PIGK: variants seen among roughly 807,000 people sequenced by gnomAD.
PIGK encodes phosphatidylinositol glycan anchor biosynthesis class K.
Under a neutral mutation model 50.6 loss-of-function variants are expected in PIGK, and 42 were observed. That is an observed-to-expected ratio of 0.83 (90% CI 0.65 to 1.07). The LOEUF (loss-of-function observed/expected upper bound fraction) is 1.07, where lower values mean the gene tolerates loss of function less well. Among genes scored for constraint, PIGK ranks in the 50% least tolerant of loss-of-function variants. The pLI is 0.00. For missense variants in PIGK, 448 were observed against 488.7 expected, an observed-to-expected ratio of 0.92 and a Z score of 0.78; for synonymous variants, 151 against 156.0, an observed-to-expected ratio of 0.97 and a Z score of 0.24.
intron 9 of PIGK, among the ~76,000 whole-genome samples, chr1:77,151,569 A>G (rs1357847662): frequency 1.3e-5 from 2 of 152,180 alleles, no homozygotes; most frequent in East Asian, 1.9e-4. Context: ...CTTTGTGTGC[A>G]GACAACATGA....
intron 1 of PIGK, among the ~76,000 whole-genome samples, chr1:77,213,169 C>T (rs1194632096): frequency 6.6e-6 from 1 of 152,180 alleles, no homozygotes; most frequent in Non-Finnish European, 1.5e-5. Context: ...AAGTGATCCA[C>T]CCGCCTCAGC....
At chr1:77,177,028 G>A (rs112031222) in intron 3 of PIGK, among the ~76,000 whole-genome samples, 53 of 152,250 alleles carry the variant, frequency 3.5e-4, no homozygotes, top group Middle Eastern at 3.4e-3. Context: ...GTTACCTGAC[G>A]GTAACCAGAT....
chr1:77,202,747 G>C (rs1344696192), intron 3 of PIGK, among the ~76,000 whole-genome samples: 1 of 152,142 alleles, frequency 6.6e-6, no homozygotes, highest in Non-Finnish European at 1.5e-5. Context: ...GGATTTTATA[G>C]AAACAATGCA....
intron 5 of PIGK, among the ~76,000 whole-genome samples, chr1:77,165,969 C>G (rs554423667): frequency 1.3e-5 from 2 of 151,976 alleles, no homozygotes; most frequent in Non-Finnish European, 2.9e-5. Context: ...AAACTAAAAC[C>G]ATATGGAATA....
intron 3 of PIGK, among the ~76,000 whole-genome samples, chr1:77,191,594 C>T (rs942351572): frequency 6.6e-6 from 1 of 152,174 alleles, no homozygotes; most frequent in African/African-American, 2.4e-5. Context: ...ACATTTCTAG[C>T]GTCAAATGGC....
At chr1:77,177,150 T>C (rs1424434185) in intron 3 of PIGK, among the ~76,000 whole-genome samples, 1 of 152,238 alleles carries the variant, frequency 6.6e-6, no homozygotes, top group Non-Finnish European at 1.5e-5. Flanking sequence ...CGTTATAATG[T>C]AGACTATTAT....
At chr1:77,201,202 A>T (rs909554573) in intron 3 of PIGK, among the ~76,000 whole-genome samples, 3 of 152,232 alleles carry the variant, frequency 2.0e-5, no homozygotes, top group Non-Finnish European at 4.4e-5. Context: ...TTACAGAAAC[A>T]TTACCAGAAT....
intron 10 of PIGK, among the ~76,000 whole-genome samples, chr1:77,117,204 A>T (rs915164139): frequency 1.3e-5 from 2 of 152,184 alleles, no homozygotes; most frequent in African/African-American, 2.4e-5. Context: ...ACAATCTCTT[A>T]TGCCTTGGAT....
rs533236538 is a variant in PIGK, at chr1:77,114,895, G to A, written c.1071+7380C>T. Among the ~76,000 whole-genome samples the A allele has an allele frequency of 8.5e-5, 13 of 152,248 alleles. No homozygotes were observed. In the East Asian group the frequency reaches 1.5e-3, roughly 18 times the overall value. ...TAAAGTTGCTATGGTTAGGGAAAGCGCTACAAGATTTTAAAGCAATATAAG... is the reference window on the plus strand; with the variant it reads ...TAAAGTTGCTATGGTTAGGGAAAGCACTACAAGATTTTAAAGCAATATAAG... On this transcript the variant is annotated intron_variant, in intron 10 of 10. Coordinates refer to ENST00000370812, the MANE Select transcript of PIGK (RefSeq NM_005482.3).
chr1:77,177,797 C>G (rs1023966424), intron 3 of PIGK, among the ~76,000 whole-genome samples: 1 of 152,184 alleles, frequency 6.6e-6, no homozygotes, highest in African/African-American at 2.4e-5. Context: ...ACACTGCCCA[C>G]ACCATCCACA....
intron 3 of PIGK, among the ~76,000 whole-genome samples, chr1:77,187,452 C>T (rs2100573176): frequency 6.6e-6 from 1 of 152,280 alleles, no homozygotes; most frequent in Admixed American, 6.5e-5. Flanking sequence ...GGAACACTGA[C>T]ACCAGGAGAC....
In PIGK at chr1:77,092,433, G is replaced by T. The variant is rs749456891; in HGVS notation, c.1129C>A (p.Leu377Ile). ...PGGFILGLWA[L>I]IIMVFFKTYG... Reference sequence around the variant, plus strand: ...GTTTTGAAGAAAACCATGATAATAAGTGCCCATAATCCCAGAATAAAGCCC... The same window carrying T: ...GTTTTGAAGAAAACCATGATAATAATTGCCCATAATCCCAGAATAAAGCCC... The change falls in exon 11 of 11, where the codon CTT (leucine) becomes ATT (isoleucine). Residue 377 changes from leucine (L) to isoleucine (I), a missense_variant. By Grantham distance (5) the Leu-to-Ile change is conservative. Coordinates refer to ENST00000370812, the MANE Select transcript of PIGK (RefSeq NM_005482.3). 4 of 1,607,002 alleles carry T rather than the reference G, an allele frequency of 2.5e-6. No individual in the cohort carries two copies. The highest frequency in any genetic ancestry group is 3.4e-6 in the Non-Finnish European group (4 of 1,176,718).
At chr1:77,108,476 C>T (rs1653750140) in intron 10 of PIGK, among the ~76,000 whole-genome samples, 1 of 152,138 alleles carries the variant, frequency 6.6e-6, no homozygotes, top group Non-Finnish European at 1.5e-5. Context: ...GTCTGATGGG[C>T]TTCCCTTTGT....
At chr1:77,169,165 A>G in intron 4 of PIGK, 95 bp downstream of exon 4, 1 of 773,336 alleles carries the variant, frequency 1.3e-6, no homozygotes, top group Non-Finnish European at 1.9e-6. Flanking sequence ...AATTAAATTT[A>G]AAGAAAAATA....
At chr1:77,207,454 C>T (rs866965586) in intron 2 of PIGK, among the ~76,000 whole-genome samples, 8 of 152,116 alleles carry the variant, frequency 5.3e-5, no homozygotes, top group African/African-American at 1.9e-4. Context: ...CACATTGCTT[C>T]CTTTATTGTG....
chr1:77,169,508 A>T (rs956333097), intron 3 of PIGK, 113 bp from the exon 4 acceptor site: 38 of 736,200 alleles, frequency 5.2e-5, no homozygotes, highest in Non-Finnish European at 6.9e-5. Flanking sequence ...TTAAAAAAAA[A>T]TTTTCAACTA....
intron 3 of PIGK, among the ~76,000 whole-genome samples, chr1:77,174,691 A>AG (rs952232005): frequency 3.3e-4 from 50 of 152,110 alleles, no homozygotes; most frequent in African/African-American, 1.2e-3. Context: ...CACCCATGGG[A>AG]GCTTGGCTGA....
At chr1:77,114,178 C>G (rs879868000) in intron 10 of PIGK, among the ~76,000 whole-genome samples, 1 of 152,004 alleles carries the variant, frequency 6.6e-6, no homozygotes, top group Non-Finnish European at 1.5e-5. Flanking sequence ...AGGAAGTATA[C>G]CACAGTAGTT....
intron 9 of PIGK, among the ~76,000 whole-genome samples, chr1:77,128,747 CAT>C (rs1422211715): frequency 6.6e-6 from 1 of 152,276 alleles, no homozygotes; most frequent in East Asian, 1.9e-4. Flanking sequence ...CTTTTACACA[CAT>C]ATTTATATAC....
Sources: gnomAD v4.1 joint callset for allele counts (sites outside exome capture counted in the v4.1 genomes callset) on GRCh38, gnomAD v4.1.1 for gene constraint, MANE v1.5 for transcripts, NCBI Gene and HGNC (gene_info 2026-07-23, HGNC 2026-07-21) for gene names.